Variants in RNLS observed in about 807,000 individuals in gnomAD.
The protein encoded by RNLS is renalase.
Under a neutral mutation model 39.8 loss-of-function variants are expected in RNLS, and 39 were observed. The ratio of observed to expected loss-of-function variants is 0.98; its 90% CI spans 0.76 to 1.28. The LOEUF is 1.28. Ranked by LOEUF, RNLS falls within the 50% of genes most tolerant of loss-of-function variation. The pLI is 0.00. For synonymous variants in RNLS, 147 were observed against 150.7 expected (o/e 0.98, Z 0.18); for missense variants, 410 against 413.3 (o/e 0.99, Z 0.07).
At chr10:88,172,637 CTG>C in the RNLS span, among the ~76,000 whole-genome samples, 3 of 151,492 alleles carry the variant, frequency 2.0e-5, 1 homozygote, top group Non-Finnish European at 4.4e-5. Flanking sequence ...TCTCTTCACT[CTG>C]TGGATTGCTT....
intron 4 of RNLS, among the ~76,000 whole-genome samples, chr10:88,387,050 G>C (rs1430293980): frequency 1.3e-5 from 2 of 152,146 alleles, no homozygotes; most frequent in East Asian, 3.8e-4. Flanking sequence ...GTAGCCAAGG[G>C]ACATTAAGCT....
At chr10:88,546,649 A>T (rs1848327492) in intron 4 of RNLS, among the ~76,000 whole-genome samples, 1 of 152,152 alleles carries the variant, frequency 6.6e-6, no homozygotes, top group Non-Finnish European at 1.5e-5. Flanking sequence ...TCTAGTCCAG[A>T]TTGTTGGCTT....
At chr10:88,275,946 C>T (rs186477285) in intron 6 of RNLS, among the ~76,000 whole-genome samples, 10 of 151,878 alleles carry the variant, frequency 6.6e-5, no homozygotes, top group Admixed American at 1.3e-4. Flanking sequence ...CCCAGCTATT[C>T]GGGAGGCTGA....
chr10:88,206,550 C>T, the RNLS span, among the ~76,000 whole-genome samples: 1 of 152,104 alleles, frequency 6.6e-6, no homozygotes, highest in Admixed American at 6.6e-5. Flanking sequence ...CTGGCAGGGA[C>T]CCTAGTCACC....
chr10:88,426,590 A>G (rs1163505571), intron 4 of RNLS, among the ~76,000 whole-genome samples: 1 of 152,100 alleles, frequency 6.6e-6, no homozygotes, highest in East Asian at 1.9e-4. Context: ...GCATTTAATC[A>G]TAGCTATCAC....
chr10:88,242,468 C>T, the RNLS span, among the ~76,000 whole-genome samples: 111 of 152,220 alleles, frequency 7.3e-4, no homozygotes, highest in Non-Finnish European at 1.6e-3. Context: ...AATTTTATGA[C>T]CAATTCAACT....
chr10:88,367,596 A>G (rs1351717297), intron 4 of RNLS, among the ~76,000 whole-genome samples: 3 of 152,172 alleles, frequency 2.0e-5, no homozygotes, highest in African/African-American at 2.4e-5. Context: ...GCTTTAGTAA[A>G]TACTGCCAAA....
chr10:88,333,747 G>A lies in RNLS; in HGVS notation c.701-19106C>T, dbSNP rs563935739. On this transcript the variant is annotated intron_variant, in intron 5 of 6. Transcript: ENST00000331772. ...GTGAAATCTAATTTCCAATGTGTTC[G>A]TATTTAGAGGTGGGGCCGTTAGGAG... Among the ~76,000 whole-genome samples, 39 of 152,280 alleles carry A rather than the reference G, an allele frequency of 2.6e-4. 2 individuals are homozygous for A. The highest frequency in any genetic ancestry group is 8.2e-4 in the African/African-American group (34 of 41,552).
the RNLS span, among the ~76,000 whole-genome samples, chr10:88,186,270 A>C: frequency 6.6e-6 from 1 of 152,284 alleles, no homozygotes; most frequent in East Asian, 1.9e-4. Flanking sequence ...CTCTGGTTTC[A>C]TGTATCTTAG....
At chr10:88,324,915 C>T (rs182596651) in intron 5 of RNLS, among the ~76,000 whole-genome samples, 2 of 152,096 alleles carry the variant, frequency 1.3e-5, no homozygotes, top group East Asian at 3.9e-4. Context: ...CCTTTTGTAA[C>T]TGGTTTATTT....
chr10:88,179,435 C>G, the RNLS span, among the ~76,000 whole-genome samples: 325 of 152,296 alleles, frequency 2.1e-3, 3 homozygotes, highest in African/African-American at 7.4e-3. Context: ...CTCTCTCTCT[C>G]TCTCATCATG....
chr10:88,417,270 TTTGTAC>T (rs1228128035), intron 4 of RNLS, among the ~76,000 whole-genome samples: 43 of 152,318 alleles, frequency 2.8e-4, no homozygotes, highest in African/African-American at 1.0e-3. Flanking sequence ...CAAACTTGGA[TTTGTAC>T]TTGTGGTTTG....
chr10:88,412,663 G>A (rs1032871861), intron 4 of RNLS, among the ~76,000 whole-genome samples: 4 of 152,106 alleles, frequency 2.6e-5, no homozygotes, highest in Admixed American at 1.3e-4. Flanking sequence ...CAGGAGGCTC[G>A]AGTCAGATGG....
At chr10:88,274,582 C>G in exon 7 of RNLS, 1 of 178,522 alleles carries the variant, frequency 5.6e-6, no homozygotes, top group East Asian at 1.4e-4. Context: ...TTTTATTTAT[C>G]TATTCATCTA....
At chr10:88,551,442 C>T (rs1848595007) in intron 4 of RNLS, among the ~76,000 whole-genome samples, 1 of 152,176 alleles carries the variant, frequency 6.6e-6, no homozygotes, top group Non-Finnish European at 1.5e-5. Flanking sequence ...TTCGGCCTGT[C>T]CATGGACTAA....
chr10:88,281,474 T>C (rs1843006013), downstream of RNLS, among the ~76,000 whole-genome samples: 1 of 152,200 alleles, frequency 6.6e-6, no homozygotes, highest in Admixed American at 6.6e-5. Flanking sequence ...CCAGGGGTCT[T>C]GTCTTCTCCT....
chr10:88,266,232 C>T, the RNLS span, among the ~76,000 whole-genome samples: 2 of 152,142 alleles, frequency 1.3e-5, no homozygotes, highest in African/African-American at 4.8e-5. Context: ...AACAATGATT[C>T]ACTTCTCCAC....
At chr10:88,462,857 A>G (rs1219990264) in intron 4 of RNLS, among the ~76,000 whole-genome samples, 1 of 152,020 alleles carries the variant, frequency 6.6e-6, no homozygotes, top group Admixed American at 6.6e-5. Flanking sequence ...GAAAGCCTAT[A>G]AAAATCAAAT....
chr10:88,191,272 T>C, the RNLS span, among the ~76,000 whole-genome samples: 1 of 152,154 alleles, frequency 6.6e-6, no homozygotes, highest in African/African-American at 2.4e-5. Flanking sequence ...CCATGGCAAG[T>C]AGGAGAATTT....
Sources: allele counts gnomAD v4.1 joint callset (sites outside exome capture counted in the v4.1 genomes callset), GRCh38; gene constraint gnomAD v4.1.1; transcripts MANE v1.5; gene names NCBI Gene and HGNC (gene_info 2026-07-23, HGNC 2026-07-21).